Variants in RALYL observed in about 807,000 individuals in gnomAD.
The protein encoded by RALYL is RALY RNA binding protein like, also known as RNA-binding Raly-like protein.
Under a neutral mutation model 35.1 loss-of-function variants are expected in RALYL, and 29 were observed. That is an observed-to-expected ratio of 0.83 (90% CI 0.61 to 1.13). RALYL has a LOEUF of 1.13. Ranked by LOEUF, RALYL falls within the 50% of genes most tolerant of loss-of-function variation. The probability of loss-of-function intolerance (pLI) is 0.00; values close to 1 mark genes in which losing one functional copy is unlikely to be tolerated. For synonymous variants in RALYL, 120 were observed against 127.6 expected (o/e 0.94, Z 0.40); for missense variants, 359 against 360.4 (o/e 1.00, Z 0.03).
chr8:84,781,254 T>A (rs1256809776), intron 3 of RALYL, among the ~76,000 whole-genome samples: 1 of 152,230 alleles, frequency 6.6e-6, no homozygotes. Flanking sequence ...ATAACTTCTT[T>A]AAAAATAAAA....
At chr8:84,212,456 A>T (rs113373156) in intron 1 of RALYL, among the ~76,000 whole-genome samples, 1 of 152,142 alleles carries the variant, frequency 6.6e-6, no homozygotes, top group Admixed American at 6.5e-5. Flanking sequence ...AAAATTATTC[A>T]TAGAGACATG....
intron 8 of RALYL, among the ~76,000 whole-genome samples, chr8:84,900,528 A>T (rs1845493217): frequency 6.6e-6 from 1 of 152,046 alleles, no homozygotes; most frequent in Non-Finnish European, 1.5e-5. Flanking sequence ...AATAGAAAAA[A>T]ATTAGCCAAT....
At chr8:84,628,795 G>A (rs933279539) in intron 2 of RALYL, among the ~76,000 whole-genome samples, 2 of 151,904 alleles carry the variant, frequency 1.3e-5, no homozygotes, top group African/African-American at 4.8e-5. Flanking sequence ...AATACTGATG[G>A]AAGTTATTTT....
chr8:84,903,780 C>A (rs1846074136), intron 8 of RALYL, among the ~76,000 whole-genome samples: 2 of 152,122 alleles, frequency 1.3e-5, no homozygotes, highest in South Asian at 4.1e-4. Flanking sequence ...GCAAACAAGT[C>A]TTTCCCGTCT....
chr8:84,546,033 C>T (rs529801473), intron 2 of RALYL, among the ~76,000 whole-genome samples: 7 of 152,056 alleles, frequency 4.6e-5, no homozygotes, highest in Non-Finnish European at 8.8e-5. Flanking sequence ...AAAATTCTGA[C>T]TTTGGGACTG....
chr8:84,484,729 C>T (rs2054425614), intron 1 of RALYL, among the ~76,000 whole-genome samples: 1 of 152,042 alleles, frequency 6.6e-6, no homozygotes, highest in Admixed American at 6.6e-5. Flanking sequence ...TAAAAATAAA[C>T]AACCTCACAA....
At chr8:84,711,792 G>A (rs1023458841) in intron 2 of RALYL, among the ~76,000 whole-genome samples, 5 of 151,930 alleles carry the variant, frequency 3.3e-5, no homozygotes, top group African/African-American at 1.2e-4. Flanking sequence ...CTTGTTTAAA[G>A]GTACTTATTG....
intron 2 of RALYL, among the ~76,000 whole-genome samples, chr8:84,637,292 G>A (rs548480615): frequency 4.6e-5 from 7 of 151,942 alleles, no homozygotes; most frequent in African/African-American, 1.7e-4. Flanking sequence ...GGTATTTAAG[G>A]AAATGAGGAG....
At chr8:84,918,434 C>A (rs1848811697) in intron 8 of RALYL, among the ~76,000 whole-genome samples, 1 of 151,864 alleles carries the variant, frequency 6.6e-6, no homozygotes, top group South Asian at 2.1e-4. Context: ...TCTCTTTGTT[C>A]TTTTTCAGAA....
At chr8:84,481,237 C>T (rs1405030507) in intron 1 of RALYL, among the ~76,000 whole-genome samples, 2 of 152,076 alleles carry the variant, frequency 1.3e-5, no homozygotes, top group Non-Finnish European at 2.9e-5. Context: ...CATAGAAATA[C>T]AATTTTTTTT....
chr8:84,426,238 G>T (rs1222287484), intron 1 of RALYL, among the ~76,000 whole-genome samples: 2 of 151,912 alleles, frequency 1.3e-5, no homozygotes, highest in Non-Finnish European at 2.9e-5. Flanking sequence ...TGTTTTTGTG[G>T]CAAGAGCAGC....
At chr8:84,266,904 G>A (rs577012656) in intron 1 of RALYL, among the ~76,000 whole-genome samples, 19 of 148,378 alleles carry the variant, frequency 1.3e-4, no homozygotes, top group Admixed American at 3.4e-4. Flanking sequence ...AGCTTGCAGT[G>A]AGCCGAGATC....
chr8:84,844,668 A>C (rs998051165), intron 4 of RALYL, among the ~76,000 whole-genome samples: 9 of 151,310 alleles, frequency 5.9e-5, no homozygotes, highest in African/African-American at 2.2e-4. Flanking sequence ...ACACATGCAC[A>C]TGTATGTTTA....
intron 1 of RALYL, among the ~76,000 whole-genome samples, chr8:84,396,400 T>C (rs1047198585): frequency 6.6e-6 from 1 of 152,110 alleles, no homozygotes; most frequent in Non-Finnish European, 1.5e-5. Context: ...AGTAATGTTA[T>C]TGTGCTTTAA....
intron 2 of RALYL, among the ~76,000 whole-genome samples, chr8:84,654,270 CATATAT>C (rs143309933): frequency 0.023 from 1,038 of 44,446 alleles, 15 homozygotes; most frequent in South Asian, 0.065. Flanking sequence ...TCTCATGTTC[CATATAT>C]ATATATATAT....
chr8:84,707,583 T>C (rs1236292583), intron 2 of RALYL, among the ~76,000 whole-genome samples: 1 of 152,166 alleles, frequency 6.6e-6, no homozygotes, highest in Non-Finnish European at 1.5e-5. Context: ...AGTCAGAAGA[T>C]GTATAATTAT....
intron 2 of RALYL, among the ~76,000 whole-genome samples, chr8:84,731,459 T>C (rs1488703): frequency 0.012 from 1,902 of 152,278 alleles, 43 homozygotes; most frequent in African/African-American, 0.043. Context: ...GCAGTAAATC[T>C]GGTAATTATC....
At chr8:84,489,105 G>A (rs1348638096) in intron 1 of RALYL, among the ~76,000 whole-genome samples, 2 of 151,990 alleles carry the variant, frequency 1.3e-5, no homozygotes, top group Admixed American at 6.6e-5. Context: ...CTATCTTCAA[G>A]TGTTATATAC....
At chr8:84,246,447 T>G (rs1290177400) in intron 1 of RALYL, among the ~76,000 whole-genome samples, 1 of 152,148 alleles carries the variant, frequency 6.6e-6, no homozygotes, top group Non-Finnish European at 1.5e-5. Flanking sequence ...CCAAATTAGA[T>G]TGAAAGACTA....
Sources: gnomAD v4.1 joint callset for allele counts (sites outside exome capture counted in the v4.1 genomes callset) on GRCh38, gnomAD v4.1.1 for gene constraint, MANE v1.5 for transcripts, NCBI Gene and HGNC (gene_info 2026-07-23, HGNC 2026-07-21) for gene names.